The following ABTB2 variants were observed in gnomAD, a reference collection of about 807,000 sequenced individuals.
ABTB2 encodes ankyrin repeat and BTB/POZ domain-containing protein 2.
In ABTB2, 56 loss-of-function variants were observed where a neutral mutation model predicts 104.1. The ratio of observed to expected loss-of-function variants is 0.54; its 90% CI spans 0.43 to 0.67. The LOEUF is 0.67. Ranked by LOEUF, ABTB2 falls within the 30% of genes least tolerant of loss-of-function variation. The probability of loss-of-function intolerance (pLI) is 0.00; values close to 1 mark genes in which losing one functional copy is unlikely to be tolerated. For missense variants in ABTB2, 1,279 were observed against 1,407.7 expected (o/e 0.91, Z 1.46); for synonymous variants, 606 against 608.2 (o/e 1.00, Z 0.05).
intron 1 of ABTB2, among the ~76,000 whole-genome samples, chr11:34,317,761 CAAAA>C (rs772418965): frequency 8.0e-6 from 1 of 125,640 alleles, no homozygotes. Context: ...AATCCTGTCT[CAAAA>C]AAAAAAAAAA....
intron 1 of ABTB2, among the ~76,000 whole-genome samples, chr11:34,214,592 T>C (rs1853527581): frequency 6.9e-6 from 1 of 144,944 alleles, no homozygotes; most frequent in African/African-American, 2.5e-5. Flanking sequence ...CAGGCTGGAG[T>C]GCAGTGGTGC....
intron 1 of ABTB2, among the ~76,000 whole-genome samples, chr11:34,296,469 C>T (rs949826894): frequency 6.6e-6 from 1 of 152,154 alleles, no homozygotes; most frequent in Non-Finnish European, 1.5e-5. Flanking sequence ...GATGCAGTTA[C>T]TGGTCATAAG....
intron 1 of ABTB2, among the ~76,000 whole-genome samples, chr11:34,288,839 A>G (rs1731834399): frequency 6.6e-6 from 1 of 152,316 alleles, no homozygotes; most frequent in African/African-American, 2.4e-5. Flanking sequence ...GACACGAAGC[A>G]TAGCCTTCCT....
intron 1 of ABTB2, among the ~76,000 whole-genome samples, chr11:34,212,276 C>T (rs950635394): frequency 3.9e-5 from 6 of 152,088 alleles, no homozygotes; most frequent in African/African-American, 7.2e-5. Context: ...AGGCTAGCCT[C>T]GAACTCCTGA....
At chr11:34,162,067 G>C (rs1181770131) in intron 10 of ABTB2, among the ~76,000 whole-genome samples, 1 of 152,242 alleles carries the variant, frequency 6.6e-6, no homozygotes, top group Admixed American at 6.5e-5. Flanking sequence ...AAGCCACAGA[G>C]GTGGGAGTTG....
At chr11:34,233,220 T>A (rs1983755) in intron 1 of ABTB2, among the ~76,000 whole-genome samples, 4 of 1,436 alleles carry the variant, frequency 2.8e-3, no homozygotes, top group Non-Finnish European at 0.042. Context: ...GGATTTTTCT[T>A]TTTATTTTTT....
chr11:34,338,092 A>T (rs1590262042), intron 1 of ABTB2, among the ~76,000 whole-genome samples: 2 of 152,136 alleles, frequency 1.3e-5, no homozygotes, highest in Non-Finnish European at 2.9e-5. Context: ...TTAAAAATAC[A>T]GATGTCGGCC....
chr11:34,231,699 T>A (rs914725939), intron 1 of ABTB2, among the ~76,000 whole-genome samples: 4 of 152,170 alleles, frequency 2.6e-5, no homozygotes, highest in South Asian at 2.1e-4. Context: ...GCCTCCCAAG[T>A]AGCTGGGATT....
chr11:34,355,912 C>A (rs1218855899), intron 1 of ABTB2, among the ~76,000 whole-genome samples: 1 of 152,194 alleles, frequency 6.6e-6, no homozygotes, highest in African/African-American at 2.4e-5. Flanking sequence ...TGACCCCATG[C>A]GGTTACCTAT....
At chr11:34,349,281 A>C (rs1855371409) in intron 1 of ABTB2, among the ~76,000 whole-genome samples, 1 of 152,164 alleles carries the variant, frequency 6.6e-6, no homozygotes, top group Non-Finnish European at 1.5e-5. Context: ...TCTTGCTGTC[A>C]TCCTGGCAGA....
intron 1 of ABTB2, among the ~76,000 whole-genome samples, chr11:34,269,414 A>G (rs1298457678): frequency 6.6e-6 from 1 of 152,206 alleles, no homozygotes; most frequent in African/African-American, 2.4e-5. Context: ...TCTGGGTGGC[A>G]GAAGAAACAA....
At position 34,173,203 on chromosome 11, in the gene ABTB2, G is replaced by A. The variant is rs763922974; in HGVS notation, c.1349C>T (p.Ala450Val). Residue 450 changes from alanine to valine, a missense_variant, in exon 4 of 17, where the codon GCA becomes GTA. Transcript: ENST00000435224. The part of the protein sequence containing the change: ...LTVDSGDIRQ[A>V]ARLLLPGLDC... ...CAGACCAGGCAGCAGCAGCCGGGCT[G>A]CCTGCCGGATGTCGCCGCTGTCCAC... 1.9e-6 allele frequency: 3 copies of A among 1,613,770 alleles called. No homozygotes were observed. Among genetic ancestry groups the A allele is most frequent in the Non-Finnish European group, 2.5e-6 (3 of 1,179,936 alleles).
At chr11:34,340,103 G>A (rs1855244905) in intron 1 of ABTB2, among the ~76,000 whole-genome samples, 1 of 151,980 alleles carries the variant, frequency 6.6e-6, no homozygotes, top group South Asian at 2.1e-4. Flanking sequence ...AGGAAGGGAA[G>A]GGAAGAAGGA....
At chr11:34,279,035 T>C (rs1187295898) in intron 1 of ABTB2, among the ~76,000 whole-genome samples, 2 of 152,224 alleles carry the variant, frequency 1.3e-5, no homozygotes, top group African/African-American at 4.8e-5. Context: ...ATGGGTATAA[T>C]GTGTCTGCAC....
At chr11:34,331,754 T>A (rs182493101) in intron 1 of ABTB2, among the ~76,000 whole-genome samples, 45 of 152,362 alleles carry the variant, frequency 3.0e-4, no homozygotes, top group Admixed American at 1.4e-3. Flanking sequence ...AGAAGATCTA[T>A]GTATTCAAGT....
At position 34,167,205 on chromosome 11, in the gene ABTB2, G is replaced by T. The variant is rs1056945401; in HGVS notation, c.1755+54C>A. The T allele has an allele frequency of 1.3e-5, 19 of 1,496,388 alleles. No homozygotes were observed. In the East Asian group the frequency reaches 4.6e-4, roughly 36 times the overall value. The allele number at this position is 1,496,388 out of a possible 1,614,324, so 92.7% of individuals were successfully genotyped here. ...AGCTGAGGCTGGGGCTGTGCTTGGG[G>T]CCCAGGTCACCTGGTAAGCTGGGGG... On this transcript the variant is annotated intron_variant, in intron 7 of 16. Coordinates refer to ENST00000435224, the MANE Select transcript of ABTB2 (RefSeq NM_145804.3).
At position 34,291,789 on chromosome 11, in the gene ABTB2, C is replaced by T. The variant is rs145949667; in HGVS notation, c.883+64912G>A. Among the ~76,000 whole-genome samples the T allele has an allele frequency of 4.1e-3, 618 of 152,310 alleles. 12 individuals are homozygous for T. The highest frequency in any genetic ancestry group is 0.022 in the East Asian group (114 of 5,182). On this transcript the variant is annotated intron_variant, in intron 1 of 16. Coordinates refer to ENST00000435224, the MANE Select transcript of ABTB2 (RefSeq NM_145804.3). ...GGGATTACAGGCGTGAGCCACCACG[C>T]CCGGCCTGATATGTTTATTTTTTTA...
At chr11:34,310,120 C>A (rs1854831960) in intron 1 of ABTB2, among the ~76,000 whole-genome samples, 1 of 152,160 alleles carries the variant, frequency 6.6e-6, no homozygotes, top group African/African-American at 2.4e-5. Context: ...ATGTCTCCTG[C>A]TCATCAATGA....
intron 1 of ABTB2, among the ~76,000 whole-genome samples, chr11:34,220,746 C>T (rs1312419880): frequency 6.6e-6 from 1 of 152,148 alleles, no homozygotes; most frequent in East Asian, 1.9e-4. Context: ...AATAAATAAC[C>T]CCCTGTTGGT....
Sources: allele counts gnomAD v4.1 joint callset (sites outside exome capture counted in the v4.1 genomes callset), GRCh38; gene constraint gnomAD v4.1.1; transcripts MANE v1.5; gene names NCBI Gene and HGNC (gene_info 2026-07-23, HGNC 2026-07-21).